The following SPTY2D1 variants were observed in gnomAD, a reference collection of about 807,000 sequenced individuals.
SPTY2D1 encodes protein SPT2 homolog.
A neutral mutation model predicts 64.0 loss-of-function variants in SPTY2D1; 21 were observed. That is an observed-to-expected ratio of 0.33 (90% CI 0.23 to 0.47). The LOEUF (loss-of-function observed/expected upper bound fraction) is 0.47, where lower values mean the gene tolerates loss of function less well. SPTY2D1 is among the 20% of genes least tolerant of loss of function. The probability of loss-of-function intolerance (pLI) is 1.00; values close to 1 mark genes in which losing one functional copy is unlikely to be tolerated. For synonymous variants in SPTY2D1, 287 were observed against 286.8 expected (o/e 1.00, Z -0.01); for missense variants, 724 against 837.2 (o/e 0.86, Z 1.67).
chr11:18,614,838 A>G lies in SPTY2D1; in HGVS notation c.1436T>C (p.Val479Ala). 4 of 1,613,676 alleles carry G rather than the reference A, an allele frequency of 2.5e-6. No homozygotes were observed. The East Asian group carries it at 8.9e-5, about 36-fold the overall frequency. The part of the protein sequence containing the change: ...VSSPHELRRP[V>A]SGLGPPGRSV... The stretch of plus-strand genomic sequence containing the variant: ...CCGCCCCGGGGGGCCCAAGCCACTC[A>G]CTGGTCGTCGAAGTTCATGTGGACT... Residue 479 changes from valine (V) to alanine (A), a missense_variant, in exon 3 of 6, where the codon GTG (valine) becomes GCG (alanine). Val to Ala is a moderately conservative substitution (Grantham distance 64, BLOSUM62 0). Around this residue, in one of 3 missense-constraint regions of SPTY2D1, gnomAD observed 426 missense variants for 431.8 expected, o/e 0.99. Transcript: ENST00000336349.
In SPTY2D1 at chr11:18,608,754, A is replaced by G. The variant is rs773944470; in HGVS notation, c.*1107T>C. On this transcript the variant is annotated 3_prime_UTR_variant, in exon 6 of 6. Coordinates refer to ENST00000336349, the MANE Select transcript of SPTY2D1 (RefSeq NM_194285.3). ...GTTTCCACAGCTCAGTAAAATAACG[A>G]TAACAGGGAACATCCCTTCCTACCT... 7 of 152,618 alleles carry G rather than the reference A, an allele frequency of 4.6e-5. No homozygotes were observed. The highest frequency in any genetic ancestry group is 1.2e-4 in the African/African-American group (5 of 41,442). The allele number at this position is 152,618 out of a possible 1,614,324, so 9.5% of individuals were successfully genotyped here.
intron 1 of SPTY2D1, among the ~76,000 whole-genome samples, chr11:18,620,889 A>C (rs906628871): frequency 6.7e-6 from 1 of 149,346 alleles, no homozygotes; most frequent in Non-Finnish European, 1.5e-5. Flanking sequence ...TCTATCTCAA[A>C]AAAAAAAAAA....
chr11:18,629,428 C>T (rs545888427), intron 1 of SPTY2D1, among the ~76,000 whole-genome samples: 9 of 152,136 alleles, frequency 5.9e-5, no homozygotes, highest in African/African-American at 2.2e-4. Flanking sequence ...CGCTTGACCC[C>T]GGGTGGCAGA....
chr11:18,611,052 T>C (rs559720792), intron 5 of SPTY2D1, among the ~76,000 whole-genome samples: 5 of 152,290 alleles, frequency 3.3e-5, no homozygotes, highest in African/African-American at 1.2e-4. Flanking sequence ...CCCAACACTT[T>C]GTGAGGCTAA....
At chr11:18,619,688 C>T (rs1352833946) in intron 1 of SPTY2D1, among the ~76,000 whole-genome samples, 4 of 152,046 alleles carry the variant, frequency 2.6e-5, no homozygotes, top group East Asian at 3.9e-4. Flanking sequence ...ACCAGGGAGT[C>T]GGAGGCTGCA....
chr11:18,617,192 A>C (rs1854312860), intron 1 of SPTY2D1, among the ~76,000 whole-genome samples: 1 of 152,214 alleles, frequency 6.6e-6, no homozygotes, highest in Non-Finnish European at 1.5e-5. Flanking sequence ...TGGGGTACAA[A>C]GTTTCCATGT....
At position 18,621,351 on chromosome 11, in the gene SPTY2D1, A is replaced by AAAAG. The variant is rs200565087; in HGVS notation, c.61-4366_61-4363dup. 4.0e-5 allele frequency among the ~76,000 whole-genome samples: 6 copies of AAAAG among 151,478 alleles called. No homozygotes were observed. The East Asian group carries it at 1.2e-3, about 29-fold the overall frequency. On this transcript the variant is annotated intron_variant, in intron 1 of 5. Transcript: ENST00000336349. ...AAAAGAAAAGAAAAGAAAAGAAAAG[A>AAAAG]AAAGAAAAGAAAAGAAAAGAAAAGA...
rs770455993 is a variant in SPTY2D1, at chr11:18,615,122, T to G, written c.1152A>C (p.Thr384=). Residue 384 remains threonine (T), a synonymous_variant, in exon 3 of 6, where the codon ACA becomes ACC. Transcript: ENST00000336349. The part of the protein sequence containing the change: ...SSSSAPGQPS[T]GVARPTVSSG... ...AACTAACTGTGGGTCGAGCAACCCC[T>G]GTGCTGGGCTGCCCAGGGGCTGAGC... is the stretch of plus-strand genomic sequence containing the variant. 6.2e-7 allele frequency: 1 copy of G among 1,614,198 alleles called. No individual in the cohort carries two copies. Among genetic ancestry groups the G allele is most frequent in the Non-Finnish European group, 8.5e-7 (1 of 1,180,032 alleles).
At chr11:18,628,523 T>C (rs542081841) in intron 1 of SPTY2D1, among the ~76,000 whole-genome samples, 1 of 152,250 alleles carries the variant, frequency 6.6e-6, no homozygotes, top group East Asian at 1.9e-4. Context: ...ACAGGCTGGA[T>C]TACATTATAT....
rs1162914876 is a variant in SPTY2D1, at chr11:18,607,858, T to C, written c.*2003A>G. 1.3e-5 allele frequency: 2 copies of C among 152,234 alleles called. No individual in the cohort carries two copies. Among genetic ancestry groups the C allele is most frequent in the African/African-American group, 2.4e-5 (1 of 41,464 alleles). 9.4% of individuals were successfully genotyped at this position (152,234 alleles called of 1,614,324 possible). A position where few individuals can be genotyped will look rare whatever the true frequency, so the allele number is the denominator to read the frequency against. On this transcript the variant is annotated 3_prime_UTR_variant, in exon 6 of 6. Transcript: ENST00000336349. ...TAAGTTCTGGAAATTTATTCTAACA[T>C]AATGGTGCCTTTCTGTACAAAGAAC...
At position 18,607,950 on chromosome 11, in the gene SPTY2D1, C is replaced by G. The variant is rs1854135866; in HGVS notation, c.*1911G>C. The G allele has an allele frequency of 6.6e-6, 1 of 152,094 alleles. No individual in the cohort carries two copies. The highest frequency in any genetic ancestry group is 2.1e-4 in the South Asian group (1 of 4,832). 9.4% of individuals were successfully genotyped at this position (152,094 alleles called of 1,614,324 possible). On this transcript the variant is annotated 3_prime_UTR_variant, in exon 6 of 6. Transcript: ENST00000336349. ...CCAGAAATCTTTCAGCTGTGACAAG[C>G]ACTTGATTGTAATGACAGATTTCAG...
chr11:18,617,656 T>C (rs1375486268), intron 1 of SPTY2D1, among the ~76,000 whole-genome samples: 4 of 148,670 alleles, frequency 2.7e-5, no homozygotes, highest in East Asian at 2.0e-4. Flanking sequence ...AAAAATCTGA[T>C]TTAGGCCAGG....
At chr11:18,634,171 T>C in intron 1 of SPTY2D1, 27 bp downstream of exon 1, 1 of 1,613,822 alleles carries the variant, frequency 6.2e-7, no homozygotes, top group Non-Finnish European at 8.5e-7. Context: ...TAGGGTCCCC[T>C]ACATTGATGC....
intron 1 of SPTY2D1, among the ~76,000 whole-genome samples, chr11:18,618,273 T>C (rs1331172105): frequency 6.6e-6 from 1 of 152,230 alleles, no homozygotes; most frequent in Admixed American, 6.5e-5. Flanking sequence ...GTAGCTCTTA[T>C]GTTCACTAAA....
At chr11:18,634,092 C>A in intron 1 of SPTY2D1, 106 bp downstream of exon 1, 1 of 1,281,804 alleles carries the variant, frequency 7.8e-7, no homozygotes, top group South Asian at 1.2e-5. Flanking sequence ...CCGGGTCTTT[C>A]CTCTCCCGGA....
At chr11:18,625,472 A>C (rs1177382833) in intron 1 of SPTY2D1, among the ~76,000 whole-genome samples, 1 of 152,194 alleles carries the variant, frequency 6.6e-6, no homozygotes, top group Non-Finnish European at 1.5e-5. Context: ...TTTACTGGCA[A>C]TCACACGGTT....
intron 1 of SPTY2D1, among the ~76,000 whole-genome samples, chr11:18,619,627 C>T (rs1025908202): frequency 2.6e-5 from 4 of 151,972 alleles, no homozygotes; most frequent in African/African-American, 9.7e-5. Flanking sequence ...CGTGGTGGTG[C>T]CTGCCTGTAA....
In SPTY2D1 at chr11:18,606,865, A is replaced by G; in HGVS notation, c.*2996T>C. On this transcript the variant is annotated 3_prime_UTR_variant, in exon 6 of 6. Transcript: ENST00000336349. The stretch of plus-strand genomic sequence containing the variant: ...TAAAAATGAAAATTTGAGTTCCCAC[A>G]TTCTTTTTTTTTTGACATGGAGTCT... The G allele has an allele frequency of 2.7e-6, 1 of 365,306 alleles. No homozygotes were observed. The highest frequency in any genetic ancestry group is 5.1e-6 in the Non-Finnish European group (1 of 194,498). The allele number at this position is 365,306 out of a possible 1,614,324, so 22.6% of individuals were successfully genotyped here. A position where few individuals can be genotyped will look rare whatever the true frequency, so the allele number is the denominator to read the frequency against.
At chr11:18,631,870 G>A (rs1854593860) in intron 1 of SPTY2D1, among the ~76,000 whole-genome samples, 1 of 152,136 alleles carries the variant, frequency 6.6e-6, no homozygotes, top group South Asian at 2.1e-4. Flanking sequence ...AATTTGGCCG[G>A]GTGTGGTGGC....
Sources: allele counts gnomAD v4.1 joint callset (sites outside exome capture counted in the v4.1 genomes callset), GRCh38; gene constraint gnomAD v4.1.1; regional missense constraint gnomAD v4.1.1; transcripts MANE v1.5; gene names NCBI Gene and HGNC (gene_info 2026-07-23, HGNC 2026-07-21).